Variants in SPESP1 observed in about 807,000 individuals in gnomAD.
SPESP1 encodes equatorial segment protein.
A neutral mutation model predicts 3.1 loss-of-function variants in SPESP1; 1 was observed. The observed-to-expected ratio is 0.33, with a 90% CI of 0.12 to 1.54. The LOEUF is 1.54. SPESP1 is among the 40% of genes most tolerant of loss of function. SPESP1 has a pLI of 0.38. For missense variants in SPESP1, 398 were observed against 410.1 expected (o/e 0.97, Z 0.26); for synonymous variants, 138 against 150.7 (o/e 0.92, Z 0.62).
Position 68,940,743 on chromosome 15 carries a change from G to T in SPESP1, c.65-4856G>T, listed in dbSNP as rs559015921. 4.1e-5 allele frequency among the ~76,000 whole-genome samples: 6 copies of T among 147,524 alleles called. No individual in the cohort carries two copies. In the South Asian group the frequency reaches 1.3e-3, roughly 31 times the overall value. ...TAGTTATATCTAGGGAGACCTACTGGATTCAGATTTGACTTTTTTTTTTTT... is the reference window on the plus strand; with the variant it reads ...TAGTTATATCTAGGGAGACCTACTGTATTCAGATTTGACTTTTTTTTTTTT... On this transcript the variant is annotated intron_variant, in intron 1 of 1. Transcript: ENST00000310673.
At chr15:68,940,030 C>T (rs1895777935) in intron 1 of SPESP1, among the ~76,000 whole-genome samples, 1 of 152,044 alleles carries the variant, frequency 6.6e-6, no homozygotes, top group African/African-American at 2.4e-5. Flanking sequence ...ATTAAAAAAA[C>T]ATTTTATTAC....
chr15:68,935,870 T>G (rs1418212297), intron 1 of SPESP1, among the ~76,000 whole-genome samples: 1 of 152,252 alleles, frequency 6.6e-6, no homozygotes, highest in Non-Finnish European at 1.5e-5. Flanking sequence ...ATTACTACTT[T>G]GAGTTGGAAA....
At chr15:68,943,749 T>C (rs986930840) in intron 1 of SPESP1, among the ~76,000 whole-genome samples, 1 of 152,076 alleles carries the variant, frequency 6.6e-6, no homozygotes. Context: ...AGTAGGAATA[T>C]GCTAGCAGTA....
Position 68,945,970 on chromosome 15 carries a change from G to C in SPESP1, c.436G>C (p.Glu146Gln), listed in dbSNP as rs763304518. 1 of 1,614,126 alleles carries C rather than the reference G, an allele frequency of 6.2e-7. No homozygotes were observed. Among genetic ancestry groups the C allele is most frequent in the Non-Finnish European group, 8.5e-7 (1 of 1,180,022 alleles). Residue 146 changes from glutamate (E) to glutamine (Q), a missense_variant, in exon 2 of 2, where the codon GAG becomes CAG. Physicochemically the swap from Glu to Gln is conservative, Grantham distance 29. Transcript: ENST00000310673. ...EEPYIENEEP[E>Q]PEPEPAAKQT... is the part of the protein sequence containing the mutation. ...ACCTTATATTGAAAATGAAGAGCCAGAGCCAGAGCCGGAGCCAGCTGCAAA... is the reference window on the plus strand; with the variant it reads ...ACCTTATATTGAAAATGAAGAGCCACAGCCAGAGCCGGAGCCAGCTGCAAA...
At chr15:68,930,865 G>A (rs1895515623) in intron 1 of SPESP1, 148 bp downstream of exon 1, 1 of 1,253,610 alleles carries the variant, frequency 8.0e-7, no homozygotes, top group Admixed American at 2.1e-5. Context: ...CGACGCCGAG[G>A]GGTGTCCCTC....
At position 68,946,370 on chromosome 15, in the gene SPESP1, A is replaced by T. The variant is rs747765604; in HGVS notation, c.836A>T (p.Tyr279Phe). 1 of 1,614,226 alleles carries T rather than the reference A, an allele frequency of 6.2e-7. No individual in the cohort carries two copies. ...GCAGAACATAAATTAAAAACAATGT[A>T]TAAGTCCCAGTTATTGCCAGTAGGA... Reference protein sequence around the residue: ...AAAEHKLKTMYKSQLLPVGRT... With the variant: ...AAAEHKLKTMFKSQLLPVGRT... Residue 279 changes from tyrosine (Y) to phenylalanine (F), a missense_variant, in exon 2 of 2, where the codon TAT becomes TTT. Physicochemically the swap from Tyr to Phe is conservative, Grantham distance 22. Coordinates refer to ENST00000310673, the MANE Select transcript of SPESP1 (RefSeq NM_145658.4).
chr15:68,935,586 T>C (rs1166512713), intron 1 of SPESP1, among the ~76,000 whole-genome samples: 1 of 152,232 alleles, frequency 6.6e-6, no homozygotes, highest in East Asian at 1.9e-4. Context: ...TAATGTCCTA[T>C]AGGCCAAGAC....
At chr15:68,937,439 A>G (rs1191946120) in intron 1 of SPESP1, among the ~76,000 whole-genome samples, 1 of 152,224 alleles carries the variant, frequency 6.6e-6, no homozygotes, top group African/African-American at 2.4e-5. Flanking sequence ...GAGAGAGACT[A>G]AAGAAGGATC....
chr15:68,937,616 A>C (rs1437153394), intron 1 of SPESP1, among the ~76,000 whole-genome samples: 3 of 151,408 alleles, frequency 2.0e-5, no homozygotes, highest in Non-Finnish European at 4.4e-5. Context: ...CCCTCCCCTC[A>C]CCCCCCACCC....
chr15:68,931,731 A>G (rs1248945554), intron 1 of SPESP1, among the ~76,000 whole-genome samples: 1 of 152,190 alleles, frequency 6.6e-6, no homozygotes, highest in Non-Finnish European at 1.5e-5. Context: ...AGACTTTACT[A>G]TATTAACAAT....
Position 68,946,731 on chromosome 15 carries a change from C to A in SPESP1, c.*144C>A. ...ATTTTCTATTGTAGTTCAAATGTGC[C>A]AACATCTTTATGTGTCATGTGTTAT... On this transcript the variant is annotated 3_prime_UTR_variant, in exon 2 of 2. Coordinates refer to ENST00000310673, the MANE Select transcript of SPESP1 (RefSeq NM_145658.4). 2 of 1,060,640 alleles carry A rather than the reference C, an allele frequency of 1.9e-6. No individual in the cohort carries two copies. The highest frequency in any genetic ancestry group is 2.5e-6 in the Non-Finnish European group (2 of 815,072). The allele number at this position is 1,060,640 out of a possible 1,614,324, so 65.7% of individuals were successfully genotyped here.
chr15:68,934,179 G>T (rs1261984956), intron 1 of SPESP1, among the ~76,000 whole-genome samples: 1 of 152,040 alleles, frequency 6.6e-6, no homozygotes, highest in East Asian at 1.9e-4. Flanking sequence ...AATAGGGTTA[G>T]TCTAGGATTA....
In SPESP1 at chr15:68,946,528, A is replaced by C. The variant is rs770267283; in HGVS notation, c.994A>C (p.Asn332His). The C allele has an allele frequency of 2.5e-6, 4 of 1,588,778 alleles. No homozygotes were observed. In the South Asian group the frequency reaches 4.7e-5, roughly 19 times the overall value. The change falls in exon 2 of 2, where the codon AAT becomes CAT. Residue 332 changes from asparagine to histidine, a missense_variant. Asn to His is a moderately conservative substitution (Grantham distance 68). Transcript: ENST00000310673. ...GAGAGAAAAAGCTGCTACAGTATTC[A>C]ATACATTAAAAAATATGTGTAGATC... Reference protein sequence around the residue: ...EMREKAATVFNTLKNMCRSRR... With the variant: ...EMREKAATVFHTLKNMCRSRR...
intron 1 of SPESP1, among the ~76,000 whole-genome samples, chr15:68,943,457 A>G (rs1221293339): frequency 6.6e-6 from 1 of 152,200 alleles, no homozygotes; most frequent in African/African-American, 2.4e-5. Flanking sequence ...CACTAACCAC[A>G]TTGGCTCACT....
chr15:68,930,526 T>G lies in SPESP1; in HGVS notation c.-128T>G. The G allele has an allele frequency of 4.0e-6, 5 of 1,262,150 alleles. No homozygotes were observed. The highest frequency in any genetic ancestry group is 1.9e-5 in the Admixed American group (1 of 54,018). 78.2% of individuals were successfully genotyped at this position (1,262,150 alleles called of 1,614,324 possible). On this transcript the variant is annotated 5_prime_UTR_variant, in exon 1 of 2. Coordinates refer to ENST00000310673, the MANE Select transcript of SPESP1 (RefSeq NM_145658.4). ...TGCGCTTGCGCGCTGGGGACAACCG[T>G]TGCTGGGTGTCCCAGGGCCTGAGGC...
At position 68,930,691 on chromosome 15, in the gene SPESP1, G is replaced by GAA; in HGVS notation, c.38_39insAA (p.Trp13Ter). The change falls in exon 1 of 2, where the codon TGG (tryptophan) becomes TGAAG (stop). Residue 13 changes from tryptophan (W) to a stop codon, truncating the protein, a stop_gained and frameshift_variant. Transcript: ENST00000310673. LOFTEE classifies it low-confidence loss of function (END_TRUNC). The part of the protein sequence containing the change: ...PLVLLVALLL[W>*]PSSVPAYPSI... ...GTCCTTCTAGTTGCGCTTTTGCTAT[G>GAA]GCCTTCGTCTGTGCCGGCTTATCCG... 1 of 1,614,054 alleles carries GAA rather than the reference G, an allele frequency of 6.2e-7. No homozygotes were observed. Among genetic ancestry groups the GAA allele is most frequent in the Non-Finnish European group, 8.5e-7 (1 of 1,179,924 alleles).
chr15:68,931,614 C>T (rs1442832102), intron 1 of SPESP1, among the ~76,000 whole-genome samples: 1 of 152,228 alleles, frequency 6.6e-6, no homozygotes, highest in Admixed American at 6.5e-5. Flanking sequence ...GCGCACACGG[C>T]ATTCAAAGCC....
At position 68,930,631 on chromosome 15, in the gene SPESP1, G is replaced by T. The variant is rs756848087; in HGVS notation, c.-23G>T. On this transcript the variant is annotated 5_prime_UTR_variant, in exon 1 of 2. Transcript: ENST00000310673. ...GGCCCCAGGACGTTCCGGTCGCATG[G>T]CAGAGTGCTACGGACGACGCCTATG... 24 of 1,613,402 alleles carry T rather than the reference G, an allele frequency of 1.5e-5. No homozygotes were observed. The highest frequency in any genetic ancestry group is 1.9e-5 in the Non-Finnish European group (22 of 1,179,582).
intron 1 of SPESP1, among the ~76,000 whole-genome samples, 196 bp downstream of exon 1, chr15:68,930,913 G>A (rs1245221848): frequency 6.6e-6 from 1 of 152,098 alleles, no homozygotes; most frequent in Non-Finnish European, 1.5e-5. Context: ...CTGAGGCGGC[G>A]CGGCCCAGAT....
Sources: gnomAD v4.1 joint callset for allele counts (sites outside exome capture counted in the v4.1 genomes callset) on GRCh38, gnomAD v4.1.1 for gene constraint, MANE v1.5 for transcripts, NCBI Gene and HGNC (gene_info 2026-07-23, HGNC 2026-07-21) for gene names.